The following NEB variants were observed in gnomAD, a reference collection of about 807,000 sequenced individuals.
The protein encoded by NEB is nemaline myopathy type 2.
NEB carries 512 observed loss-of-function variants against 952.2 expected under a neutral mutation model. The observed-to-expected ratio is 0.54, with a 90% CI of 0.50 to 0.58. The LOEUF is 0.58. NEB is among the 20% of genes least tolerant of loss of function. The pLI is 0.00. For synonymous variants in NEB, 2,900 were observed against 3,149.8 expected, an observed-to-expected ratio of 0.92 and a Z score of 2.66; for missense variants, 8,428 against 9,231.1, an observed-to-expected ratio of 0.91 and a Z score of 3.56.
Position 151,494,299 on chromosome 2 carries a change from A to G in NEB, c.24487-46T>C, listed in dbSNP as rs762044639. The G allele has an allele frequency of 4.6e-6, 6 of 1,297,960 alleles. No homozygotes were observed. In the East Asian group the frequency reaches 1.5e-4, roughly 32 times the overall value. The allele number at this position is 1,297,960 out of a possible 1,614,324, so 80.4% of individuals were successfully genotyped here. A position where few individuals can be genotyped will look rare whatever the true frequency, so the allele number is the denominator to read the frequency against. ...CAAAAAGCCAAAAAGAAAAAGAGTT[A>G]ACAGTTACCAAAAAAGGAAATGGTA... On this transcript the variant is annotated intron_variant, in intron 173 of 181. Coordinates refer to ENST00000397345, the MANE Select transcript of NEB (RefSeq NM_001164508.2).
intron 114 of NEB, 29 bp downstream of exon 114, chr2:151,567,139 T>C: frequency 2.0e-6 from 3 of 1,536,534 alleles, no homozygotes; most frequent in East Asian, 2.3e-5. Context: ...CATGCGTTTC[T>C]AGATAATGAA....
intron 25 of NEB, among the ~76,000 whole-genome samples, 160 bp from the exon 26 acceptor site, chr2:151,687,893 G>C (rs1242738971): frequency 6.6e-6 from 1 of 152,164 alleles, no homozygotes; most frequent in East Asian, 1.9e-4. Flanking sequence ...CTATCATCCA[G>C]TTTCTTTCTC....
At chr2:151,681,622 A>ACGGT (rs1331246797) in intron 29 of NEB, among the ~76,000 whole-genome samples, 1 of 152,156 alleles carries the variant, frequency 6.6e-6, no homozygotes. Context: ...AAAACACCGA[A>ACGGT]CAAGAAGTAA....
chr2:151,488,669 GTAT>G (rs1365557508), intron 181 of NEB, among the ~76,000 whole-genome samples: 1 of 151,752 alleles, frequency 6.6e-6, no homozygotes, highest in East Asian at 1.9e-4. Flanking sequence ...AAAGTATTCT[GTAT>G]TATTCTTTGT....
intron 23 of NEB, 145 bp from the exon 24 acceptor site, chr2:151,690,970 TGTC>T: frequency 1.6e-6 from 1 of 643,112 alleles, no homozygotes; most frequent in Non-Finnish European, 2.8e-6. Flanking sequence ...CTTCTCTGTC[TGTC>T]TCTCTCTCTC....
intron 9 of NEB, among the ~76,000 whole-genome samples, chr2:151,720,584 T>C (rs989151556): frequency 2.0e-5 from 3 of 152,194 alleles, no homozygotes; most frequent in African/African-American, 4.8e-5. Context: ...CCAACTTTCA[T>C]TGTTCAAAGT....
intron 65 of NEB, among the ~76,000 whole-genome samples, chr2:151,632,000 G>A (rs1383466347): frequency 4.6e-5 from 7 of 152,084 alleles, no homozygotes; most frequent in African/African-American, 1.2e-4. Context: ...ATCTTCAACA[G>A]CTGTAACTCT....
At chr2:151,515,991 T>C (rs1270419621) in intron 157 of NEB, among the ~76,000 whole-genome samples, 3 of 152,242 alleles carry the variant, frequency 2.0e-5, no homozygotes, top group Non-Finnish European at 4.4e-5. Flanking sequence ...AATTTAGTGC[T>C]TCTGCTTACA....
In NEB at chr2:151,497,619, A is replaced by G. The variant is rs2152972231; in HGVS notation, c.24300+7T>C. The G allele has an allele frequency of 6.4e-7, 1 of 1,564,548 alleles. No individual in the cohort carries two copies. Among genetic ancestry groups the G allele is most frequent in the South Asian group, 1.2e-5 (1 of 84,428 alleles). ...TAAGTAGTTTTTTTCTTTTCTTGCC[A>G]AAGTACCGAGCTAATATTTTCTTGA... On this transcript the variant is annotated splice_region_variant and intron_variant, in intron 171 of 181. Transcript: ENST00000397345.
chr2:151,645,088 C>T (rs773794439), intron 55 of NEB, among the ~76,000 whole-genome samples: 19 of 152,174 alleles, frequency 1.2e-4, no homozygotes, highest in Non-Finnish European at 2.1e-4. Flanking sequence ...ACGGGACCAC[C>T]GTCCTGTATG....
chr2:151,617,381 G>A lies in NEB; in HGVS notation c.11164C>T (p.Arg3722Ter), dbSNP rs928945364. Residue 3722 changes from arginine to a stop codon, truncating the protein, a stop_gained, in exon 75 of 182, where the codon CGA becomes TGA. Transcript: ENST00000397345. LOFTEE classifies it high-confidence loss of function. ...TTACTTACATCACTGTAGTTTATTC[G>A]GTTGAGTTTGGCTAACATGATTTCT... ...TPEIMLAKLN[R>*]INYSDKLYKL... 3.9e-6 allele frequency: 6 copies of A among 1,557,392 alleles called. No individual in the cohort carries two copies. Among genetic ancestry groups the A allele is most frequent in the African/African-American group, 1.4e-5 (1 of 73,592 alleles).
chr2:151,535,605 T>C lies in NEB; in HGVS notation c.21312+86A>G, dbSNP rs2093009492. 6.8e-6 allele frequency: 5 copies of C among 737,988 alleles called. No individual in the cohort carries two copies. In the Middle Eastern group the frequency reaches 7.6e-4, roughly 112 times the overall value. 45.7% of individuals were successfully genotyped at this position (737,988 alleles called of 1,614,324 possible). A position where few individuals can be genotyped will look rare whatever the true frequency, so the allele number is the denominator to read the frequency against. ...ACTTAGGATGGCTTTCCTGTCATTC[T>C]GTGTATTGGGCTTTAATTTAAAAAA... On this transcript the variant is annotated intron_variant, in intron 142 of 181. Transcript: ENST00000397345.
At chr2:151,729,267 C>G (rs190080213) in intron 4 of NEB, among the ~76,000 whole-genome samples, 2 of 152,142 alleles carry the variant, frequency 1.3e-5, no homozygotes, top group African/African-American at 4.8e-5. Flanking sequence ...ATCACAAAGC[C>G]AAGGCTCCTT....
At chr2:151,702,375 A>G (rs528226745) in intron 13 of NEB, among the ~76,000 whole-genome samples, 1 of 152,304 alleles carries the variant, frequency 6.6e-6, no homozygotes, top group African/African-American at 2.4e-5. Flanking sequence ...GTAGATGTCA[A>G]TTAGGTCCGC....
chr2:151,564,510 A>G (rs539611102), intron 117 of NEB, among the ~76,000 whole-genome samples: 50 of 152,226 alleles, frequency 3.3e-4, no homozygotes, highest in Non-Finnish European at 5.7e-4. Context: ...AAGTGACAAC[A>G]AATTTGCACA....
In NEB at chr2:151,547,553, C is replaced by A. The variant is rs763778666; in HGVS notation, c.20263-20G>T. On this transcript the variant is annotated intron_variant, in intron 132 of 181. Coordinates refer to ENST00000397345, the MANE Select transcript of NEB (RefSeq NM_001164508.2). ...GATCAACTAAAGAAAAAAAAATACCCCAAAACATATGTATTAGAGACCGAA... is the reference window on the plus strand; with the variant it reads ...GATCAACTAAAGAAAAAAAAATACCACAAAACATATGTATTAGAGACCGAA... 1.9e-6 allele frequency: 3 copies of A among 1,598,386 alleles called. No homozygotes were observed. Among genetic ancestry groups the A allele is most frequent in the Non-Finnish European group, 2.6e-6 (3 of 1,169,812 alleles).
At position 151,534,308 on chromosome 2, in the gene NEB, T is replaced by G. The variant is rs749691317; in HGVS notation, c.21313-762A>C. On this transcript the variant is annotated intron_variant, in intron 142 of 181. Transcript: ENST00000397345. ...TATCTTTCCGCTGCTCATAATCAGCTCTGTATTTTTTCTGCTCAAACATCA... is the reference window on the plus strand; with the variant it reads ...TATCTTTCCGCTGCTCATAATCAGCGCTGTATTTTTTCTGCTCAAACATCA... 1.9e-6 allele frequency: 3 copies of G among 1,613,056 alleles called. No individual in the cohort carries two copies. In the East Asian group the frequency reaches 6.7e-5, roughly 36 times the overall value.
chr2:151,551,692 G>A, intron 129 of NEB, 46 bp downstream of exon 129: 1 of 1,441,698 alleles, frequency 6.9e-7, no homozygotes, highest in Non-Finnish European at 9.7e-7. Flanking sequence ...CACAGAGGCT[G>A]ATGGAACGGA....
chr2:151,485,716 C>T lies in NEB; in HGVS notation c.*44G>A. 6 of 1,553,744 alleles carry T rather than the reference C, an allele frequency of 3.9e-6. No individual in the cohort carries two copies. The highest frequency in any genetic ancestry group is 5.2e-6 in the Non-Finnish European group (6 of 1,145,518). Reference sequence around the variant, plus strand: ...AGAGTCTAAACCGAAACATTGACTGCAGGATCTGTAAGTCCTGCAGACAAG... The same window carrying T: ...AGAGTCTAAACCGAAACATTGACTGTAGGATCTGTAAGTCCTGCAGACAAG... On this transcript the variant is annotated 3_prime_UTR_variant, in exon 182 of 182. Coordinates refer to ENST00000397345, the MANE Select transcript of NEB (RefSeq NM_001164508.2).
Sources: allele counts gnomAD v4.1 joint callset (sites outside exome capture counted in the v4.1 genomes callset), GRCh38; gene constraint gnomAD v4.1.1; transcripts MANE v1.5; gene names NCBI Gene and HGNC (gene_info 2026-07-23, HGNC 2026-07-21).